OPN3: variants seen among roughly 807,000 people sequenced by gnomAD.
OPN3 encodes opsin 3, also known as opsin-3.
OPN3 carries 29 observed loss-of-function variants against 33.8 expected under a neutral mutation model. The observed-to-expected ratio is 0.86, with a 90% CI of 0.64 to 1.17. The LOEUF (loss-of-function observed/expected upper bound fraction) is 1.17. Among genes scored for constraint, OPN3 ranks in the 50% most tolerant of loss-of-function variants. The pLI is 0.00. For missense variants in OPN3, 437 were observed against 514.1 expected (o/e 0.85, Z 1.45); for synonymous variants, 216 against 216.1 (o/e 1.00, Z 0.00).
chr1:241,634,900 G>T, intron 1 of OPN3: 1 of 1,611,116 alleles, frequency 6.2e-7, no homozygotes, highest in South Asian at 1.1e-5. Flanking sequence ...CAACCATGGT[G>T]AGTTCCTTGC....
chr1:241,598,978 T>C (rs1663611115), intron 2 of OPN3, among the ~76,000 whole-genome samples: 1 of 152,182 alleles, frequency 6.6e-6, no homozygotes, highest in Non-Finnish European at 1.5e-5. Flanking sequence ...GTGTACCTTT[T>C]GGTTCTAGCA....
chr1:241,633,065 T>C lies in OPN3; in HGVS notation c.373+6817A>G, dbSNP rs915367319. 28 of 152,172 alleles carry C rather than the reference T, an allele frequency of 1.8e-4. 1 individual carries two copies. The highest frequency in any genetic ancestry group is 2.0e-4 in the Admixed American group (3 of 15,264). The allele number at this position is 152,172 out of a possible 1,614,324, so 9.4% of individuals were successfully genotyped here. On this transcript the variant is annotated intron_variant, in intron 1 of 3. Coordinates refer to ENST00000366554, the MANE Select transcript of OPN3 (RefSeq NM_014322.3). ...ATAAGAATAAATCTTATCTTTCAAA[T>C]TTCCTTTGCAATCAACCTCCCCAAA...
chr1:241,622,815 G>A (rs1034237859), intron 1 of OPN3, among the ~76,000 whole-genome samples: 7 of 152,142 alleles, frequency 4.6e-5, no homozygotes, highest in African/African-American at 1.7e-4. Context: ...GCAAGTAAGT[G>A]GGTAATCTTA....
chr1:241,634,348 C>T, intron 1 of OPN3: 2 of 1,613,984 alleles, frequency 1.2e-6, no homozygotes, highest in Non-Finnish European at 8.5e-7. Flanking sequence ...GAATGGAAGT[C>T]TGCTGATCTA....
rs184247788 is a variant in OPN3 at position 241,619,295 on chromosome 1, A to G, written c.374-14716T>C. On this transcript the variant is annotated intron_variant, in intron 1 of 3. Coordinates refer to ENST00000366554, the MANE Select transcript of OPN3 (RefSeq NM_014322.3). ...TTAACATTTCACAAAACAGTACTGC[A>G]CGGGACACTAAAGGTAATACTATGC... 1.3e-4 allele frequency among the ~76,000 whole-genome samples: 20 copies of G among 152,324 alleles called. No homozygotes were observed. The East Asian group carries it at 3.1e-3, about 24-fold the overall frequency.
At chr1:241,634,341 T>C (rs532140585) in intron 1 of OPN3, 1 of 1,614,046 alleles carries the variant, frequency 6.2e-7, no homozygotes, top group Non-Finnish European at 8.5e-7. Context: ...ACTATCAGAA[T>C]GGAAGTCTGC....
At position 241,640,255 on chromosome 1, in the gene OPN3, G is replaced by T. The variant is rs1370406208; in HGVS notation, c.-1C>A. On this transcript the variant is annotated 5_prime_UTR_variant, in exon 1 of 4. Coordinates refer to ENST00000366554, the MANE Select transcript of OPN3 (RefSeq NM_014322.3). ...CGCCGCTGCGGTTCCCCGAGTACAT[G>T]GCCCGGCGCCGGCGCGCCTGGCGGG... The T allele has an allele frequency of 8.3e-7, 1 of 1,210,624 alleles. No individual in the cohort carries two copies. The highest frequency in any genetic ancestry group is 1.6e-5 in the African/African-American group (1 of 63,108). 75.0% of individuals were successfully genotyped at this position (1,210,624 alleles called of 1,614,324 possible).
At chr1:241,595,021 G>C in intron 3 of OPN3, 1 of 206,672 alleles carries the variant, frequency 4.8e-6, no homozygotes, top group Non-Finnish European at 9.6e-6. Flanking sequence ...TATTCAGTGG[G>C]CATCTACTAG....
chr1:241,635,245 T>C (rs778819750), intron 1 of OPN3: 3 of 1,613,908 alleles, frequency 1.9e-6, no homozygotes, highest in South Asian at 2.2e-5. Flanking sequence ...TCTCCACTGA[T>C]TCCTCTACAT....
intron 1 of OPN3, chr1:241,635,932 AG>A: frequency 1.6e-6 from 1 of 625,984 alleles, no homozygotes; most frequent in Middle Eastern, 4.3e-4. Flanking sequence ...TTTTCTTATA[AG>A]TCAGTAGCAT....
intron 1 of OPN3, among the ~76,000 whole-genome samples, chr1:241,605,395 A>T (rs1045563523): frequency 6.6e-6 from 1 of 152,230 alleles, no homozygotes; most frequent in Non-Finnish European, 1.5e-5. Flanking sequence ...CTGTTCACAC[A>T]CAAGGATTGC....
intron 3 of OPN3, 107 bp downstream of exon 3, chr1:241,597,639 T>C: frequency 1.1e-6 from 1 of 873,120 alleles, no homozygotes; most frequent in East Asian, 3.1e-5. Context: ...AAAATTCTTG[T>C]TTTTTTTTTA....
chr1:241,623,450 G>A (rs1040703412), intron 1 of OPN3, among the ~76,000 whole-genome samples: 1 of 152,110 alleles, frequency 6.6e-6, no homozygotes, highest in South Asian at 2.1e-4. Flanking sequence ...ATAAGCAAAT[G>A]CAATCTGTTT....
intron 2 of OPN3, among the ~76,000 whole-genome samples, chr1:241,602,335 G>A (rs1415411478): frequency 2.6e-5 from 4 of 152,170 alleles, no homozygotes; most frequent in East Asian, 1.9e-4. Flanking sequence ...GTGTCCATGG[G>A]ATCACATATC....
chr1:241,604,557 TA>T lies in OPN3; in HGVS notation c.395del (p.Leu132GlnfsTer17). 1 of 1,611,372 alleles carries T rather than the reference TA, an allele frequency of 6.2e-7. No individual in the cohort carries two copies. The highest frequency in any genetic ancestry group is 8.5e-7 in the Non-Finnish European group (1 of 1,177,916). Reference sequence around the variant, plus strand: ...TGTAACGTTCATAGGCCAGCACGGTTAGGGTGGCAATGGAAACAATCCCTGC... The same window carrying T: ...TGTAACGTTCATAGGCCAGCACGGTTGGGTGGCAATGGAAACAATCCCTGC... ...SLFGIVSIAT[L>X]TVLAYERYIR... On this transcript the variant is annotated frameshift_variant, in exon 2 of 4. Coordinates refer to ENST00000366554, the MANE Select transcript of OPN3 (RefSeq NM_014322.3). LOFTEE classifies it high-confidence loss of function.
chr1:241,632,072 G>A (rs972609676), intron 1 of OPN3: 1 of 152,108 alleles, frequency 6.6e-6, no homozygotes, highest in African/African-American at 2.4e-5. Flanking sequence ...TAATTCCCAC[G>A]TGTTGTGGGA....
rs780142087 is a variant in OPN3 at position 241,634,494 on chromosome 1, A to C, written c.373+5388T>G. Reference sequence around the variant, plus strand: ...TATTTAGCATTTATTCTTTGACCAAAGTGATCTATAATTGCTTTACATCGT... The same window carrying C: ...TATTTAGCATTTATTCTTTGACCAACGTGATCTATAATTGCTTTACATCGT... On this transcript the variant is annotated intron_variant, in intron 1 of 3. Coordinates refer to ENST00000366554, the MANE Select transcript of OPN3 (RefSeq NM_014322.3). The C allele has an allele frequency of 2.7e-5, 44 of 1,613,878 alleles. No homozygotes were observed. In the South Asian group the frequency reaches 4.5e-4, roughly 17 times the overall value.
At chr1:241,622,345 A>G (rs1042538173) in intron 1 of OPN3, among the ~76,000 whole-genome samples, 9 of 152,216 alleles carry the variant, frequency 5.9e-5, no homozygotes, top group African/African-American at 2.2e-4. Flanking sequence ...ATTCTTGACA[A>G]TATAATTGTT....
chr1:241,639,126 G>A (rs922230918), intron 1 of OPN3: 1 of 152,184 alleles, frequency 6.6e-6, no homozygotes, highest in African/African-American at 2.4e-5. Flanking sequence ...CTTCAACAAT[G>A]AAGTTCTACT....
Sources: gnomAD v4.1 joint callset for allele counts (sites outside exome capture counted in the v4.1 genomes callset) on GRCh38, gnomAD v4.1.1 for gene constraint, MANE v1.5 for transcripts, NCBI Gene and HGNC (gene_info 2026-07-23, HGNC 2026-07-21) for gene names.